Variants in SH3GLB1 observed in about 807,000 individuals in gnomAD.
SH3GLB1 encodes the protein SH3 domain containing GRB2 like, endophilin B1.
SH3GLB1 carries 17 observed loss-of-function variants against 42.0 expected under a neutral mutation model. The observed-to-expected ratio is 0.40, with a 90% CI of 0.28 to 0.61. The LOEUF (loss-of-function observed/expected upper bound fraction) is 0.61, where lower values mean the gene tolerates loss of function less well. Among genes scored for constraint, SH3GLB1 ranks in the 20% least tolerant of loss-of-function variants. The pLI, the probability that SH3GLB1 is intolerant of heterozygous loss-of-function variation, is 0.36. For synonymous variants in SH3GLB1, 132 were observed against 146.6 expected (o/e 0.90, Z 0.72); for missense variants, 355 against 426.3 (o/e 0.83, Z 1.47).
At chr1:86,728,306 T>G in intron 5 of SH3GLB1, 2 of 514,146 alleles carry the variant, frequency 3.9e-6, no homozygotes, top group Non-Finnish European at 3.3e-6. Context: ...TGATTGGCTC[T>G]TTTACTTGTT....
chr1:86,724,147 G>A (rs1355533116), intron 4 of SH3GLB1, among the ~76,000 whole-genome samples, 166 bp from the exon 5 acceptor site: 1 of 118,448 alleles, frequency 8.4e-6, no homozygotes, highest in African/African-American at 4.7e-5. Context: ...TAACAAGGGG[G>A]TGGGGGGGGG....
intron 7 of SH3GLB1, chr1:86,738,779 A>G (rs752822021): frequency 1.3e-5 from 2 of 152,382 alleles, no homozygotes; most frequent in Admixed American, 1.3e-4. Context: ...AGTAGCTAGG[A>G]TTACAGGTGT....
chr1:86,735,048 G>C, intron 6 of SH3GLB1, 31 bp from the exon 7 acceptor site: 2 of 1,547,402 alleles, frequency 1.3e-6, no homozygotes, highest in Non-Finnish European at 1.8e-6. Flanking sequence ...TGACTATACA[G>C]CTAAGAACTA....
intron 5 of SH3GLB1, among the ~76,000 whole-genome samples, chr1:86,734,038 A>G (rs773734982): frequency 6.6e-6 from 1 of 152,308 alleles, no homozygotes; most frequent in Non-Finnish European, 1.5e-5. Context: ...AAAGAAAGAC[A>G]TTTAAAATGT....
chr1:86,741,051 A>T (rs1656037068), intron 7 of SH3GLB1, among the ~76,000 whole-genome samples: 1 of 152,184 alleles, frequency 6.6e-6, no homozygotes, highest in Non-Finnish European at 1.5e-5. Flanking sequence ...GAATAACATG[A>T]AGTTGAAGGA....
At chr1:86,741,484 C>G (rs1205785694) in intron 7 of SH3GLB1, among the ~76,000 whole-genome samples, 1 of 152,068 alleles carries the variant, frequency 6.6e-6, no homozygotes, top group Non-Finnish European at 1.5e-5. Flanking sequence ...TCACAAAAAT[C>G]ACTAATTTCT....
intron 5 of SH3GLB1, among the ~76,000 whole-genome samples, chr1:86,728,899 A>T (rs977312878): frequency 5.9e-5 from 9 of 152,074 alleles, no homozygotes; most frequent in Non-Finnish European, 1.3e-4. Flanking sequence ...CAAACTCAAC[A>T]TAGAATTAAT....
chr1:86,741,482 AT>A (rs954033943), intron 7 of SH3GLB1, among the ~76,000 whole-genome samples: 18 of 152,196 alleles, frequency 1.2e-4, no homozygotes, highest in African/African-American at 4.1e-4. Context: ...AATCACAAAA[AT>A]CACTAATTTC....
chr1:86,745,535 C>T lies in SH3GLB1; in HGVS notation c.*2300C>T, dbSNP rs1489996927. On this transcript the variant is annotated 3_prime_UTR_variant, in exon 9 of 9. Transcript: ENST00000370558. Reference sequence around the variant, plus strand: ...CCCACAGTCAGTATAAATCATTTTTCAGAACTTTCAGCTTTCCATCAAGTG... The same window carrying T: ...CCCACAGTCAGTATAAATCATTTTTTAGAACTTTCAGCTTTCCATCAAGTG... 6.6e-6 allele frequency: 1 copy of T among 152,150 alleles called. No homozygotes were observed. The highest frequency in any genetic ancestry group is 2.4e-5 in the African/African-American group (1 of 41,434). 9.4% of individuals were successfully genotyped at this position (152,150 alleles called of 1,614,324 possible).
rs1002255935 is a variant in SH3GLB1 at position 86,746,178 on chromosome 1, C to G, written c.*2943C>G. The G allele has an allele frequency of 6.5e-6, 1 of 152,720 alleles. No homozygotes were observed. The highest frequency in any genetic ancestry group is 1.9e-4 in the East Asian group (1 of 5,180). 9.5% of individuals were successfully genotyped at this position (152,720 alleles called of 1,614,324 possible). ...CTTCATAGTCTCCTGTTATCCTCCC[C>G]CTGAACAAAGAACAAAGTGAGACTG... is the stretch of plus-strand genomic sequence containing the variant. On this transcript the variant is annotated 3_prime_UTR_variant, in exon 9 of 9. Coordinates refer to ENST00000370558, the MANE Select transcript of SH3GLB1 (RefSeq NM_016009.5).
chr1:86,743,217 CT>C lies in SH3GLB1; in HGVS notation c.1082del (p.Leu361Ter). On this transcript the variant is annotated frameshift_variant, in exon 9 of 9. Transcript: ENST00000370558. LOFTEE classifies it high-confidence loss of function. Reference sequence around the variant, plus strand: ...AGAAGGGCAAGGTGCCAATTACCTACTTAGAACTGCTCAATTAAGTAGGTGG... The same window carrying C: ...AGAAGGGCAAGGTGCCAATTACCTACTAGAACTGCTCAATTAAGTAGGTGG... ...NQKGKVPITY[L>X]ELLN The C allele has an allele frequency of 6.2e-7, 1 of 1,606,916 alleles. No homozygotes were observed. Among genetic ancestry groups the C allele is most frequent in the Non-Finnish European group, 8.5e-7 (1 of 1,178,058 alleles).
At chr1:86,735,972 C>T (rs1419691680) in intron 7 of SH3GLB1, among the ~76,000 whole-genome samples, 3 of 151,984 alleles carry the variant, frequency 2.0e-5, no homozygotes, top group Admixed American at 6.6e-5. Context: ...GCAGAGTTTC[C>T]CAGGTGAAGT....
intron 5 of SH3GLB1, among the ~76,000 whole-genome samples, chr1:86,724,758 C>T (rs948034792): frequency 6.6e-6 from 1 of 151,142 alleles, no homozygotes; most frequent in Non-Finnish European, 1.5e-5. Context: ...CCTGTAGTCC[C>T]AGCTACTCAG....
intron 1 of SH3GLB1, among the ~76,000 whole-genome samples, chr1:86,706,903 A>G (rs1420341011): frequency 6.6e-6 from 1 of 152,208 alleles, no homozygotes; most frequent in Non-Finnish European, 1.5e-5. Context: ...CCTTGTTTCA[A>G]ATTCTTTAGG....
intron 1 of SH3GLB1, among the ~76,000 whole-genome samples, chr1:86,710,131 A>G (rs1057362495): frequency 1.3e-5 from 2 of 152,208 alleles, no homozygotes; most frequent in Non-Finnish European, 2.9e-5. Context: ...CTTTGGTGCT[A>G]TTTGCATTAC....
intron 5 of SH3GLB1, among the ~76,000 whole-genome samples, chr1:86,732,100 A>G (rs568176301): frequency 1.3e-5 from 2 of 152,296 alleles, no homozygotes; most frequent in East Asian, 3.9e-4. Context: ...AAATGTTAAG[A>G]CTTTACATTC....
intron 1 of SH3GLB1, among the ~76,000 whole-genome samples, chr1:86,708,586 A>C (rs1271957066): frequency 6.6e-6 from 1 of 152,226 alleles, no homozygotes; most frequent in Admixed American, 6.5e-5. Context: ...TGGTACTTTA[A>C]AAAGAATGTT....
chr1:86,731,737 A>C (rs565520688), intron 5 of SH3GLB1, among the ~76,000 whole-genome samples: 1 of 152,256 alleles, frequency 6.6e-6, no homozygotes, highest in African/African-American at 2.4e-5. Flanking sequence ...AATGGATTTC[A>C]GGGGTTTTTT....
At chr1:86,725,828 T>C (rs1209340355) in intron 5 of SH3GLB1, among the ~76,000 whole-genome samples, 1 of 152,180 alleles carries the variant, frequency 6.6e-6, no homozygotes, top group East Asian at 1.9e-4. Context: ...TTTTTGTCTA[T>C]GGTTTTTTTC....
Sources: gnomAD v4.1 joint callset for allele counts (sites outside exome capture counted in the v4.1 genomes callset) on GRCh38, gnomAD v4.1.1 for gene constraint, MANE v1.5 for transcripts, NCBI Gene and HGNC (gene_info 2026-07-23, HGNC 2026-07-21) for gene names.